Variants in LRRC7 observed in about 807,000 individuals in gnomAD.
LRRC7 encodes leucine rich repeat containing 7.
A neutral mutation model predicts 175.7 loss-of-function variants in LRRC7; 23 were observed. The ratio of observed to expected loss-of-function variants is 0.13; its 90% CI spans 0.09 to 0.19. The LOEUF (loss-of-function observed/expected upper bound fraction) is 0.19, where lower values mean the gene tolerates loss of function less well. Ranked by LOEUF, LRRC7 falls within the 10% of genes least tolerant of loss-of-function variation. The pLI is 1.00. For synonymous variants in LRRC7, 685 were observed against 680.9 expected (o/e 1.01, Z -0.09); for missense variants, 1,354 against 1,904.7 (o/e 0.71, Z 5.38).
rs1659641941 is a variant in LRRC7, at chr1:70,039,252, G to A, written c.3428G>A (p.Ser1143Asn). Reference sequence around the variant, plus strand: ...GCTGTGGTGAATGCCCAGTTCGCAAGCCAAGGGGCCAGGGCGGGCTTCCTG... The same window carrying A: ...GCTGTGGTGAATGCCCAGTTCGCAAACCAAGGGGCCAGGGCGGGCTTCCTG... ...EDAVVNAQFASQGARAGFLRR... is the reference protein window; with the variant it reads ...EDAVVNAQFANQGARAGFLRR... The change falls in exon 21 of 27, where the codon AGC becomes AAC. Residue 1143 changes from serine (S) to asparagine (N), a missense_variant. Coordinates refer to ENST00000651989, the MANE Select transcript of LRRC7 (RefSeq NM_001370785.2). 2 of 1,614,056 alleles carry A rather than the reference G, an allele frequency of 1.2e-6. No individual in the cohort carries two copies. Among genetic ancestry groups the A allele is most frequent in the Non-Finnish European group, 1.7e-6 (2 of 1,179,994 alleles).
intron 7 of LRRC7, among the ~76,000 whole-genome samples, chr1:69,853,226 T>C (rs994777901): frequency 6.7e-6 from 1 of 149,708 alleles, no homozygotes; most frequent in African/African-American, 2.4e-5. Flanking sequence ...GAGTTCTTAA[T>C]AAGAAATTAG....
At chr1:69,730,355 T>G (rs116335243) in intron 2 of LRRC7, among the ~76,000 whole-genome samples, 1,915 of 152,288 alleles carry the variant, frequency 0.013, 36 homozygotes, top group Middle Eastern at 0.058. Context: ...TAAACTTTTA[T>G]TCCCTGCTTC....
At chr1:69,762,190 T>C (rs753283684) in intron 3 of LRRC7, among the ~76,000 whole-genome samples, 33 of 152,032 alleles carry the variant, frequency 2.2e-4, no homozygotes, top group South Asian at 6.2e-4. Flanking sequence ...TTAAATCTTT[T>C]TCCATTTCTA....
intron 3 of LRRC7, among the ~76,000 whole-genome samples, chr1:69,770,594 C>T (rs769636722): frequency 3.9e-4 from 60 of 152,254 alleles, no homozygotes; most frequent in Non-Finnish European, 7.9e-4. Context: ...GCTGCTTAAA[C>T]AGTTGTCATG....
chr1:70,052,977 G>T, intron 22 of LRRC7, 49 bp from the exon 23 acceptor site: 1 of 1,496,156 alleles, frequency 6.7e-7, no homozygotes, highest in Non-Finnish European at 8.9e-7. Context: ...GAAAACTATG[G>T]TAAACTTCTA....
At chr1:69,676,007 GCACACACACACACACA>G (rs57846147) in intron 1 of LRRC7, among the ~76,000 whole-genome samples, 2 of 147,450 alleles carry the variant, frequency 1.4e-5, no homozygotes, top group Admixed American at 1.4e-4. Flanking sequence ...ATGAGTGCAT[GCACACACACACACACA>G]CACACACACA....
In LRRC7 at chr1:69,717,841, A is replaced by AGAAAGAAAGAAGAAAGAAAGG. The variant is rs754934916; in HGVS notation, c.100+39363_100+39364insGAAAGAAAGAAGAAAGAAAGG. Among the ~76,000 whole-genome samples, 11 of 19,332 alleles carry AGAAAGAAAGAAGAAAGAAAGG rather than the reference A, an allele frequency of 5.7e-4. 1 individual carries two copies. Among genetic ancestry groups the AGAAAGAAAGAAGAAAGAAAGG allele is most frequent in the African/African-American group, 1.3e-3 (3 of 2,326 alleles). The allele number at this position is 19,332 out of a possible 152,430, so 12.7% of individuals were successfully genotyped here. On this transcript the variant is annotated intron_variant, in intron 2 of 26. Coordinates refer to ENST00000651989, the MANE Select transcript of LRRC7 (RefSeq NM_001370785.2). ...AAGAAAGAAAGAAAGAAAGAAAGAAAAAAGAAAGAAAGGAAAGAAAGAAAG... is the reference window on the plus strand; with the variant it reads ...AAGAAAGAAAGAAAGAAAGAAAGAAAGAAAGAAAGAAGAAAGAAAGGAAAGAAAGAAAGGAAAGAAAGAAAG...
chr1:69,823,755 A>T (rs1679573676), intron 4 of LRRC7, among the ~76,000 whole-genome samples: 1 of 152,144 alleles, frequency 6.6e-6, no homozygotes, highest in African/African-American at 2.4e-5. Flanking sequence ...ATTTCTAATA[A>T]TTATAGATAG....
Position 69,916,642 on chromosome 1 carries a change from C to A in LRRC7, c.648-14865C>A, listed in dbSNP as rs72676855. Among the ~76,000 whole-genome samples the A allele has an allele frequency of 9.9e-5, 15 of 151,942 alleles. 1 individual carries two copies. Among genetic ancestry groups the A allele is most frequent in the Admixed American group, 9.9e-4 (15 of 15,202 alleles). On this transcript the variant is annotated intron_variant, in intron 7 of 26. Coordinates refer to ENST00000651989, the MANE Select transcript of LRRC7 (RefSeq NM_001370785.2). ...AATTATAGATGCCTGATAGAAATTG[C>A]GTGGTTTCTCTTTGTAAATATTCTA... is the stretch of plus-strand genomic sequence containing the variant.
Position 70,125,791 on chromosome 1 carries a change from C to CAAA in LRRC7, c.*3923_*3925dup, listed in dbSNP as rs577047180. ...TGGGCGACAGAGCGAGACTCCGTCT[C>CAAA]AAAAAAAAAAAAAAAAAAAAAGAGA... is the stretch of plus-strand genomic sequence containing the variant. On this transcript the variant is annotated 3_prime_UTR_variant, in exon 27 of 27. Coordinates refer to ENST00000651989, the MANE Select transcript of LRRC7 (RefSeq NM_001370785.2). Among the ~76,000 whole-genome samples the CAAA allele has an allele frequency of 2.8e-4, 24 of 87,210 alleles. No homozygotes were observed. Among genetic ancestry groups the CAAA allele is most frequent in the Non-Finnish European group, 4.2e-4 (19 of 45,492 alleles). The allele number at this position is 87,210 out of a possible 152,430, so 57.2% of individuals were successfully genotyped here. A position where few individuals can be genotyped will look rare whatever the true frequency, so the allele number is the denominator to read the frequency against.
chr1:70,105,415 TAAA>T (rs558523671), intron 25 of LRRC7, among the ~76,000 whole-genome samples: 3 of 151,474 alleles, frequency 2.0e-5, no homozygotes, highest in Admixed American at 2.0e-4. Context: ...TAAGGAAAAA[TAAA>T]AAAAAATCTG....
At position 70,062,552 on chromosome 1, in the gene LRRC7, G is replaced by A. The variant is rs114220640; in HGVS notation, c.4230+9407G>A. On this transcript the variant is annotated intron_variant, in intron 23 of 26. Transcript: ENST00000651989. ...AAATTATTGATATAAGATAGAGATG[G>A]TATATACATATGTAGACTTGCTTGT... is the stretch of plus-strand genomic sequence containing the variant. Among the ~76,000 whole-genome samples, 1,101 of 152,102 alleles carry A rather than the reference G, an allele frequency of 7.2e-3. 3 individuals carry two copies. Among genetic ancestry groups the A allele is most frequent in the Non-Finnish European group, 0.012 (809 of 67,950 alleles).
At chr1:70,069,945 C>T (rs1662257425) in intron 23 of LRRC7, among the ~76,000 whole-genome samples, 1 of 152,078 alleles carries the variant, frequency 6.6e-6, no homozygotes, top group African/African-American at 2.4e-5. Context: ...CTAAAATCTC[C>T]ATTTGTTTCT....
At chr1:69,720,284 G>T (rs1270970083) in intron 2 of LRRC7, among the ~76,000 whole-genome samples, 1 of 151,126 alleles carries the variant, frequency 6.6e-6, no homozygotes, top group African/African-American at 2.4e-5. Context: ...TTCTTATACT[G>T]TTCTTATAGT....
intron 3 of LRRC7, among the ~76,000 whole-genome samples, chr1:69,779,332 C>G (rs542117544): frequency 2.0e-5 from 3 of 152,272 alleles, no homozygotes; most frequent in South Asian, 2.1e-4. Flanking sequence ...AACAATGAAG[C>G]TGGGTTGAAA....
chr1:69,977,061 A>G (rs561658755), intron 8 of LRRC7, among the ~76,000 whole-genome samples: 1 of 152,254 alleles, frequency 6.6e-6, no homozygotes, highest in South Asian at 2.1e-4. Context: ...AATACTCTGC[A>G]TCTCCATTGG....
intron 2 of LRRC7, among the ~76,000 whole-genome samples, chr1:69,736,771 C>T (rs535620376): frequency 2.6e-4 from 40 of 152,128 alleles, no homozygotes; most frequent in African/African-American, 9.6e-4. Flanking sequence ...CTTCTTTCTC[C>T]GTGTTGAGGC....
intron 1 of LRRC7, among the ~76,000 whole-genome samples, chr1:69,633,063 T>G (rs1316639785): frequency 6.6e-6 from 1 of 152,028 alleles, no homozygotes; most frequent in Non-Finnish European, 1.5e-5. Flanking sequence ...TGGGATAATA[T>G]CTGAGTAATA....
chr1:70,006,431 C>CACT (rs2101939678), intron 11 of LRRC7, among the ~76,000 whole-genome samples: 1 of 148,916 alleles, frequency 6.7e-6, no homozygotes, highest in Admixed American at 6.7e-5. Flanking sequence ...AAGATCGCAA[C>CACT]ACTGCACTCC....
Sources: allele counts gnomAD v4.1 joint callset (sites outside exome capture counted in the v4.1 genomes callset), GRCh38; gene constraint gnomAD v4.1.1; transcripts MANE v1.5; gene names NCBI Gene and HGNC (gene_info 2026-07-23, HGNC 2026-07-21).